The following CCBE1 variants were observed in gnomAD, a reference collection of about 807,000 sequenced individuals.
CCBE1 encodes collagen and calcium-binding EGF domain-containing protein 1.
In CCBE1, 37 loss-of-function variants were observed where a neutral mutation model predicts 50.0. The ratio of observed to expected loss-of-function variants is 0.74; its 90% CI spans 0.57 to 0.97. The LOEUF (loss-of-function observed/expected upper bound fraction) is 0.97. Among genes scored for constraint, CCBE1 ranks in the 50% least tolerant of loss-of-function variants. The pLI is 0.00. For missense variants in CCBE1, 538 were observed against 523.8 expected (o/e 1.03, Z -0.26); for synonymous variants, 234 against 203.7 (o/e 1.15, Z -1.27).
At chr18:59,469,903 G>A (rs1006164016) in intron 3 of CCBE1, among the ~76,000 whole-genome samples, 11 of 152,164 alleles carry the variant, frequency 7.2e-5, no homozygotes, top group South Asian at 2.1e-4. Context: ...CAGCCTCTGC[G>A]GATTCCCTCG....
At chr18:59,641,195 T>C (rs551035864) in intron 2 of CCBE1, among the ~76,000 whole-genome samples, 33 of 151,542 alleles carry the variant, frequency 2.2e-4, no homozygotes, top group African/African-American at 7.5e-4. Context: ...CAATAGCAAA[T>C]ACATGGAATC....
At chr18:59,498,194 A>T (rs1482959754) in intron 2 of CCBE1, among the ~76,000 whole-genome samples, 1 of 150,056 alleles carries the variant, frequency 6.7e-6, no homozygotes, top group Non-Finnish European at 1.5e-5. Context: ...TGCAACCAAG[A>T]TCTTTTTTTT....
chr18:59,663,358 G>C (rs2054311096), intron 2 of CCBE1, among the ~76,000 whole-genome samples: 1 of 152,198 alleles, frequency 6.6e-6, no homozygotes, highest in South Asian at 2.1e-4. Context: ...CAACAGAAGA[G>C]AGAACATCAA....
At chr18:59,595,692 T>C (rs928650522) in intron 2 of CCBE1, among the ~76,000 whole-genome samples, 3 of 152,368 alleles carry the variant, frequency 2.0e-5, no homozygotes, top group African/African-American at 4.8e-5. Flanking sequence ...TGTATGAATA[T>C]AGTGTTAATT....
At chr18:59,589,787 T>C (rs1248995243) in intron 2 of CCBE1, among the ~76,000 whole-genome samples, 2 of 74,952 alleles carry the variant, frequency 2.7e-5, no homozygotes, top group East Asian at 5.0e-4. Flanking sequence ...CGAGACTCCA[T>C]CTCAAAAAAA....
At chr18:59,633,418 T>G (rs895350278) in intron 2 of CCBE1, among the ~76,000 whole-genome samples, 5 of 152,238 alleles carry the variant, frequency 3.3e-5, no homozygotes, top group Non-Finnish European at 7.3e-5. Context: ...GACATTAGTT[T>G]TCTCTGGTCC....
At chr18:59,477,345 G>A (rs965671592) in intron 3 of CCBE1, among the ~76,000 whole-genome samples, 1 of 152,242 alleles carries the variant, frequency 6.6e-6, no homozygotes, top group African/African-American at 2.4e-5. Context: ...GAATGAAGGT[G>A]TGGGTCACCT....
chr18:59,543,178 C>G (rs1408269299), intron 2 of CCBE1, among the ~76,000 whole-genome samples: 1 of 152,076 alleles, frequency 6.6e-6, no homozygotes, highest in Non-Finnish European at 1.5e-5. Flanking sequence ...AGGGCCCCAC[C>G]CTTGACTCCC....
At chr18:59,601,932 T>A (rs2053439588) in intron 2 of CCBE1, among the ~76,000 whole-genome samples, 1 of 152,196 alleles carries the variant, frequency 6.6e-6, no homozygotes, top group African/African-American at 2.4e-5. Flanking sequence ...CTTTCTACTT[T>A]GCCCATCTTT....
chr18:59,621,488 G>A (rs2053709418), intron 2 of CCBE1, among the ~76,000 whole-genome samples: 1 of 152,214 alleles, frequency 6.6e-6, no homozygotes, highest in Admixed American at 6.5e-5. Flanking sequence ...CACAGAGGCA[G>A]CAGACATGTG....
intron 2 of CCBE1, among the ~76,000 whole-genome samples, chr18:59,658,624 G>T (rs1048811589): frequency 1.3e-5 from 2 of 149,962 alleles, no homozygotes; most frequent in South Asian, 4.2e-4. Context: ...GCTCACGCCT[G>T]TAATCCCAGC....
chr18:59,694,904 C>T (rs191091821), intron 2 of CCBE1, among the ~76,000 whole-genome samples: 19 of 152,316 alleles, frequency 1.2e-4, no homozygotes, highest in African/African-American at 4.3e-4. Flanking sequence ...GTTCTTTATT[C>T]TCCTTGATAT....
At chr18:59,652,077 T>G (rs1276675506) in intron 2 of CCBE1, among the ~76,000 whole-genome samples, 5 of 152,214 alleles carry the variant, frequency 3.3e-5, no homozygotes, top group African/African-American at 1.2e-4. Flanking sequence ...CTGTTCAAAT[T>G]TTTGTTTAGC....
intron 2 of CCBE1, among the ~76,000 whole-genome samples, chr18:59,590,886 G>A (rs928869049): frequency 1.2e-4 from 18 of 152,110 alleles, no homozygotes; most frequent in Non-Finnish European, 2.5e-4. Flanking sequence ...AGGTGTAAGT[G>A]TGAAAATTTA....
intron 2 of CCBE1, among the ~76,000 whole-genome samples, chr18:59,485,878 G>A (rs980701346): frequency 7.9e-5 from 12 of 151,676 alleles, no homozygotes; most frequent in African/African-American, 1.2e-4. Context: ...TAGGATTACA[G>A]GCATGAGCCA....
chr18:59,481,924 C>T (rs1912588079), intron 2 of CCBE1, among the ~76,000 whole-genome samples: 1 of 152,268 alleles, frequency 6.6e-6, no homozygotes, highest in South Asian at 2.1e-4. Context: ...GTTCTGGATA[C>T]ATGTGCAGCG....
At chr18:59,441,202 A>G (rs1053349147) in intron 7 of CCBE1, among the ~76,000 whole-genome samples, 8 of 152,210 alleles carry the variant, frequency 5.3e-5, no homozygotes, top group African/African-American at 1.2e-4. Flanking sequence ...CATTCAATCC[A>G]AAATTTTCAG....
intron 2 of CCBE1, among the ~76,000 whole-genome samples, chr18:59,533,039 A>T (rs1402585833): frequency 6.6e-6 from 1 of 152,156 alleles, no homozygotes; most frequent in East Asian, 1.9e-4. Flanking sequence ...GCATTTGATT[A>T]TTTCCTTTTC....
intron 5 of CCBE1, chr18:59,455,302 C>T (rs1911139424): frequency 2.6e-6 from 1 of 381,614 alleles, no homozygotes; most frequent in Non-Finnish European, 5.1e-6. Flanking sequence ...ATTTATACTC[C>T]CCTTAAAGGG....
Sources: gnomAD v4.1 joint callset for allele counts (sites outside exome capture counted in the v4.1 genomes callset) on GRCh38, gnomAD v4.1.1 for gene constraint, MANE v1.5 for transcripts, NCBI Gene and HGNC (gene_info 2026-07-23, HGNC 2026-07-21) for gene names.